POU3F3: variants seen among roughly 807,000 people sequenced by gnomAD.
POU3F3 encodes the protein POU class 3 homeobox 3.
A neutral mutation model predicts 8.6 loss-of-function variants in POU3F3; 1 was observed. The observed-to-expected ratio is 0.12, with a 90% CI of 0.04 to 0.55. The LOEUF (loss-of-function observed/expected upper bound fraction) is 0.55. POU3F3 is among the 20% of genes least tolerant of loss of function. The probability of loss-of-function intolerance (pLI) is 0.91; values close to 1 mark genes in which losing one functional copy is unlikely to be tolerated. For missense variants in POU3F3, 577 were observed against 690.7 expected (o/e 0.84, Z 1.84); for synonymous variants, 418 against 327.4 (o/e 1.28, Z -2.99).
the POU3F3 span, among the ~76,000 whole-genome samples, chr2:104,896,272 G>A: frequency 6.6e-6 from 1 of 152,188 alleles, no homozygotes; most frequent in Non-Finnish European, 1.5e-5. Flanking sequence ...TGGAACTTCT[G>A]CCCTCAGCCC....
At chr2:104,901,769 A>G in the POU3F3 span, among the ~76,000 whole-genome samples, 53 of 152,360 alleles carry the variant, frequency 3.5e-4, 1 homozygote, top group African/African-American at 1.3e-3. Context: ...AGCTGACTGC[A>G]TTGGAAAGCC....
rs1217098943 is a variant in POU3F3 at position 104,854,490 on chromosome 2, CAG to C, written c.-1018_-1017del. On this transcript the variant is annotated 5_prime_UTR_variant, in exon 1 of 1. Coordinates refer to ENST00000361360, the MANE Select transcript of POU3F3 (RefSeq NM_006236.3). This position sits in a 1 kb window ranked among gnomAD's most constrained non-coding sequence, Gnocchi z 4.5. ...ACCCCAACCGTCAGCAACAAGGTAA[CAG>C]AGCGATTCGACATCATTTTTTTTCC... 6.6e-6 allele frequency among the ~76,000 whole-genome samples: 1 copy of C among 152,244 alleles called. No individual in the cohort carries two copies. Among genetic ancestry groups the C allele is most frequent in the Non-Finnish European group, 1.5e-5 (1 of 68,040 alleles).
the POU3F3 span, among the ~76,000 whole-genome samples, chr2:104,901,357 T>C: frequency 6.6e-6 from 1 of 152,304 alleles, no homozygotes; most frequent in East Asian, 1.9e-4. Flanking sequence ...TCCTGCAAAT[T>C]GGAGCGATCG....
At chr2:104,910,272 A>G in the POU3F3 span, among the ~76,000 whole-genome samples, 4 of 152,188 alleles carry the variant, frequency 2.6e-5, no homozygotes, top group African/African-American at 9.7e-5. Flanking sequence ...CTGGGGTCAA[A>G]TGAAAGTCAA....
chr2:104,890,168 G>T, the POU3F3 span, among the ~76,000 whole-genome samples: 1 of 152,288 alleles, frequency 6.6e-6, no homozygotes, highest in African/African-American at 2.4e-5. Flanking sequence ...GGAGGACAGG[G>T]TGGAGCCACG....
Position 104,855,369 on chromosome 2 carries a change from G to A in POU3F3, c.-142G>A, listed in dbSNP as rs911460315. On this transcript the variant is annotated 5_prime_UTR_variant, in exon 1 of 1. Coordinates refer to ENST00000361360, the MANE Select transcript of POU3F3 (RefSeq NM_006236.3). ...GGCGAAGGCGGCGGGGCCGGCGGGG[G>A]CCCGGGGCGGGGGCGGGGAAGGAGG... 2 of 294,348 alleles carry A rather than the reference G, an allele frequency of 6.8e-6. No individual in the cohort carries two copies. Among genetic ancestry groups the A allele is most frequent in the Non-Finnish European group, 9.6e-6 (2 of 207,518 alleles). The allele number at this position is 294,348 out of a possible 1,614,324, so 18.2% of individuals were successfully genotyped here. A position where few individuals can be genotyped will look rare whatever the true frequency, so the allele number is the denominator to read the frequency against.
chr2:104,912,477 A>G, the POU3F3 span, among the ~76,000 whole-genome samples: 1 of 152,174 alleles, frequency 6.6e-6, no homozygotes, highest in East Asian at 1.9e-4. Flanking sequence ...GGAGTTACTA[A>G]CAGATGGGTA....
the POU3F3 span, among the ~76,000 whole-genome samples, chr2:104,881,451 C>T: frequency 2.6e-5 from 4 of 152,220 alleles, no homozygotes; most frequent in Non-Finnish European, 5.9e-5. Flanking sequence ...CAGGCATGAG[C>T]CCCCACACCC....
chr2:104,853,973 A>AG (rs1049380323), upstream of POU3F3: 9 of 152,330 alleles, frequency 5.9e-5, no homozygotes, highest in East Asian at 1.9e-4. Flanking sequence ...AACGGCCGGA[A>AG]GGGGGGCCTC....
At chr2:104,915,477 A>G in the POU3F3 span, among the ~76,000 whole-genome samples, 1 of 152,172 alleles carries the variant, frequency 6.6e-6, no homozygotes, top group Non-Finnish European at 1.5e-5. Context: ...ATTTATTAGC[A>G]CAAGGAATGA....
chr2:104,863,999 C>A, the POU3F3 span, among the ~76,000 whole-genome samples: 1 of 152,196 alleles, frequency 6.6e-6, no homozygotes. Context: ...TCTTGGGCAG[C>A]CCCCGGCGCT....
the POU3F3 span, among the ~76,000 whole-genome samples, chr2:104,900,244 C>T: frequency 6.6e-6 from 1 of 152,110 alleles, no homozygotes; most frequent in Non-Finnish European, 1.5e-5. Context: ...GGGCCATAAA[C>T]GATGTACACT....
chr2:104,871,133 T>G, the POU3F3 span, among the ~76,000 whole-genome samples: 1 of 152,140 alleles, frequency 6.6e-6, no homozygotes, highest in Non-Finnish European at 1.5e-5. Context: ...ATTATCAGAG[T>G]AATTGAAGAC....
downstream of POU3F3, among the ~76,000 whole-genome samples, chr2:104,861,915 A>G (rs1163068413): frequency 6.6e-6 from 1 of 152,192 alleles, no homozygotes; most frequent in Non-Finnish European, 1.5e-5. Context: ...GTTGATTTCA[A>G]TAAGGAAAGC....
chr2:104,914,007 T>C, the POU3F3 span, among the ~76,000 whole-genome samples: 2 of 152,226 alleles, frequency 1.3e-5, no homozygotes, highest in Non-Finnish European at 1.5e-5. Flanking sequence ...GCTTTTCTAT[T>C]GTCTCTCACA....
At chr2:104,864,903 CTGT>C in the POU3F3 span, among the ~76,000 whole-genome samples, 1 of 152,310 alleles carries the variant, frequency 6.6e-6, no homozygotes, top group South Asian at 2.1e-4. Context: ...TGGAAATGGA[CTGT>C]TAATATCACC....
the POU3F3 span, among the ~76,000 whole-genome samples, chr2:104,873,309 G>T: frequency 2.0e-5 from 3 of 152,304 alleles, no homozygotes; most frequent in East Asian, 5.8e-4. Context: ...GGCTGCTTGA[G>T]CCCGCGGCCG....
At chr2:104,875,963 C>T in the POU3F3 span, among the ~76,000 whole-genome samples, 1 of 152,168 alleles carries the variant, frequency 6.6e-6, no homozygotes, top group Admixed American at 6.5e-5. Flanking sequence ...GGTGATCCGC[C>T]CACCTCAGCC....
At chr2:104,926,735 G>A in the POU3F3 span, among the ~76,000 whole-genome samples, 3 of 152,144 alleles carry the variant, frequency 2.0e-5, no homozygotes, top group African/African-American at 7.2e-5. Flanking sequence ...AGAAAATGTG[G>A]CACATATATA....
Sources: allele counts gnomAD v4.1 joint callset (sites outside exome capture counted in the v4.1 genomes callset), GRCh38; gene constraint gnomAD v4.1.1; non-coding constraint Gnocchi (gnomAD v3.1); transcripts MANE v1.5; gene names NCBI Gene and HGNC (gene_info 2026-07-23, HGNC 2026-07-21).